The following ATP9A variants were observed in gnomAD, a reference collection of about 807,000 sequenced individuals.
ATP9A encodes the protein ATPase phospholipid transporting 9A, also known as probable phospholipid-transporting ATPase IIA.
In ATP9A, 52 loss-of-function variants were observed where a neutral mutation model predicts 144.1. The observed-to-expected ratio is 0.36, with a 90% confidence interval of 0.29 to 0.45. The LOEUF (loss-of-function observed/expected upper bound fraction) is 0.45. ATP9A is among the 20% of genes least tolerant of loss of function. ATP9A has a pLI of 1.00. For missense variants in ATP9A, 947 were observed against 1,392.7 expected, an observed-to-expected ratio of 0.68 and a Z score of 5.09; for synonymous variants, 582 against 557.4, an observed-to-expected ratio of 1.04 and a Z score of -0.62.
At chr20:51,727,311 C>T (rs1202334049) in intron 2 of ATP9A, among the ~76,000 whole-genome samples, 3 of 151,154 alleles carry the variant, frequency 2.0e-5, no homozygotes, top group Non-Finnish European at 4.4e-5. Flanking sequence ...CATGTCCAGA[C>T]GTGGTGGTAC....
intron 7 of ATP9A, among the ~76,000 whole-genome samples, chr20:51,692,100 G>T (rs186181704): frequency 6.6e-6 from 1 of 152,152 alleles, no homozygotes; most frequent in East Asian, 1.9e-4. Flanking sequence ...GCCAAGGGGG[G>T]AATGTAGTTA....
intron 18 of ATP9A, among the ~76,000 whole-genome samples, chr20:51,624,841 A>G (rs764934908): frequency 6.6e-5 from 10 of 152,020 alleles, no homozygotes; most frequent in Non-Finnish European, 1.2e-4. Flanking sequence ...CCCTCTATCT[A>G]CAAAAATATA....
chr20:51,620,777 C>G (rs1247804885), intron 19 of ATP9A, among the ~76,000 whole-genome samples: 1 of 152,068 alleles, frequency 6.6e-6, no homozygotes, highest in Non-Finnish European at 1.5e-5. Context: ...GTTCGTCACA[C>G]GGGGCTGAAA....
chr20:51,625,190 A>T lies in ATP9A; in HGVS notation c.2016+2T>A. 2 of 1,610,138 alleles carry T rather than the reference A, an allele frequency of 1.2e-6. No homozygotes were observed. The highest frequency in any genetic ancestry group is 1.7e-6 in the Non-Finnish European group (2 of 1,179,198). On this transcript the variant is annotated splice_donor_variant, in intron 18 of 27. Coordinates refer to ENST00000338821, the MANE Select transcript of ATP9A (RefSeq NM_006045.3). LOFTEE classifies it high-confidence loss of function. ...CCCTTCCCTGCGGGCAGCCCGCCCT[A>T]CCTTGATGCCAGCATTCCTCAGGGT...
In ATP9A at chr20:51,708,466, G is replaced by A. The variant is rs150302849; in HGVS notation, c.436+4500C>T. 6.3e-3 allele frequency among the ~76,000 whole-genome samples: 958 copies of A among 152,306 alleles called. 11 individuals carry two copies. Among genetic ancestry groups the A allele is most frequent in the Admixed American group, 0.029 (446 of 15,294 alleles). ...TTTAAAATTACTGGCCAGGCATGGT[G>A]GCTCACACCTGTAATCCCAGACCTT... On this transcript the variant is annotated intron_variant, in intron 4 of 27. Transcript: ENST00000338821.
rs542252310 is a variant in ATP9A, at chr20:51,675,605, C to T, written c.876+527G>A. Among the ~76,000 whole-genome samples the T allele has an allele frequency of 4.6e-5, 7 of 152,294 alleles. No individual in the cohort carries two copies. The East Asian group carries it at 5.8e-4, about 13-fold the overall frequency. On this transcript the variant is annotated intron_variant, in intron 10 of 27. Transcript: ENST00000338821. ...ACCTAAAAGCACAAAAAATGCTGGG[C>T]GCCATGGCTCACGCCTGTAATCCCA...
rs11908684 is a variant in ATP9A at position 51,618,157 on chromosome 20, T to C, written c.2350+505A>G. ...ATCACTTGAACCCGGGAGACGGAGG[T>C]TGCAATGAGCTGAGATTGTGTCATT... On this transcript the variant is annotated intron_variant, in intron 21 of 27. Coordinates refer to ENST00000338821, the MANE Select transcript of ATP9A (RefSeq NM_006045.3). Among the ~76,000 whole-genome samples, 979 of 151,154 alleles carry C rather than the reference T, an allele frequency of 6.5e-3. 16 individuals carry two copies. The highest frequency in any genetic ancestry group is 0.023 in the African/African-American group (934 of 41,068).
intron 4 of ATP9A, among the ~76,000 whole-genome samples, chr20:51,706,631 TC>T (rs1173258476): frequency 6.6e-5 from 10 of 152,304 alleles, no homozygotes; most frequent in African/African-American, 2.4e-4. Flanking sequence ...GCAACTATGG[TC>T]CCAGTTACTT....
intron 9 of ATP9A, among the ~76,000 whole-genome samples, chr20:51,684,842 C>A (rs1306640472): frequency 6.6e-6 from 1 of 150,970 alleles, no homozygotes; most frequent in Non-Finnish European, 1.5e-5. Context: ...AACCCCGTCT[C>A]TACTAAAAAC....
chr20:51,711,867 T>TAG (rs2077640244), intron 4 of ATP9A, among the ~76,000 whole-genome samples: 1 of 149,606 alleles, frequency 6.7e-6, no homozygotes, highest in Non-Finnish European at 1.5e-5. Context: ...TTTTTTTTTT[T>TAG]TTTTTTTGAG....
chr20:51,743,396 ATTTTTTTTTTTT>A lies in ATP9A; in HGVS notation c.69-13430_69-13419del, dbSNP rs769952209. Reference sequence around the variant, plus strand: ...GAGATGGGCTGCAAGACCGAAACTGATTTTTTTTTTTTTTTTTTTTTGAGACGGAGTCTCACT... The same window carrying A: ...GAGATGGGCTGCAAGACCGAAACTGATTTTTTTTTGAGACGGAGTCTCACT... On this transcript the variant is annotated intron_variant, in intron 1 of 27. Coordinates refer to ENST00000338821, the MANE Select transcript of ATP9A (RefSeq NM_006045.3). Among the ~76,000 whole-genome samples the A allele has an allele frequency of 4.5e-5, 4 of 89,856 alleles. No homozygotes were observed. In the Admixed American group the frequency reaches 4.5e-4, roughly 10 times the overall value. 58.9% of individuals were successfully genotyped at this position (89,856 alleles called of 152,430 possible). A position where few individuals can be genotyped will look rare whatever the true frequency, so the allele number is the denominator to read the frequency against.
chr20:51,753,921 C>T (rs2077844517), intron 1 of ATP9A, among the ~76,000 whole-genome samples: 1 of 151,802 alleles, frequency 6.6e-6, no homozygotes, highest in African/African-American at 2.4e-5. Flanking sequence ...GATCCACCCA[C>T]CTCAGCCTCC....
At chr20:51,763,570 C>T (rs1202553697) in intron 1 of ATP9A, among the ~76,000 whole-genome samples, 1 of 152,108 alleles carries the variant, frequency 6.6e-6, no homozygotes, top group Non-Finnish European at 1.5e-5. Context: ...ACCTTGGCCT[C>T]CCAAAGTGCT....
At chr20:51,633,274 C>G (rs548047912) in intron 15 of ATP9A, among the ~76,000 whole-genome samples, 1 of 142,060 alleles carries the variant, frequency 7.0e-6, no homozygotes, top group Non-Finnish European at 1.6e-5. Flanking sequence ...TTTAATAATA[C>G]GAAAAAATTC....
At chr20:51,609,660 C>T (rs1328404876) in intron 24 of ATP9A, among the ~76,000 whole-genome samples, 8 of 152,200 alleles carry the variant, frequency 5.3e-5, no homozygotes, top group Admixed American at 4.6e-4. Flanking sequence ...ATCCCCGAGG[C>T]AGTGGACTCT....
chr20:51,605,446 C>T (rs538329948), intron 26 of ATP9A, among the ~76,000 whole-genome samples: 149 of 152,078 alleles, frequency 9.8e-4, no homozygotes, highest in African/African-American at 3.2e-3. Context: ...GGTGAAAGCC[C>T]GTCTCTACAA....
chr20:51,633,896 G>A (rs753412326), intron 15 of ATP9A, among the ~76,000 whole-genome samples: 4 of 148,894 alleles, frequency 2.7e-5, no homozygotes, highest in Non-Finnish European at 6.0e-5. Context: ...GGAAAAGAGG[G>A]AGGGAGGGAG....
rs1601059826 is a variant in ATP9A at position 51,618,656 on chromosome 20, G to A, written c.2350+6C>T. 6 of 1,609,120 alleles carry A rather than the reference G, an allele frequency of 3.7e-6. No homozygotes were observed. Among genetic ancestry groups the A allele is most frequent in the Non-Finnish European group, 4.2e-6 (5 of 1,179,520 alleles). ...GGGCCAGCAGCACAGCCTGAGCCTCGCCTACCTACTGCACAGGTGAGCTTG... is the reference window on the plus strand; with the variant it reads ...GGGCCAGCAGCACAGCCTGAGCCTCACCTACCTACTGCACAGGTGAGCTTG... On this transcript the variant is annotated splice_donor_region_variant and intron_variant, in intron 21 of 27. Coordinates refer to ENST00000338821, the MANE Select transcript of ATP9A (RefSeq NM_006045.3).
At chr20:51,625,540 A>G (rs1248153795) in intron 17 of ATP9A, among the ~76,000 whole-genome samples, 178 bp from the exon 18 acceptor site, 1 of 152,126 alleles carries the variant, frequency 6.6e-6, no homozygotes, top group Non-Finnish European at 1.5e-5. Context: ...CAAGTCCTCC[A>G]TGTAGACACT....
Sources: gnomAD v4.1 joint callset for allele counts (sites outside exome capture counted in the v4.1 genomes callset) on GRCh38, gnomAD v4.1.1 for gene constraint, MANE v1.5 for transcripts, NCBI Gene and HGNC (gene_info 2026-07-23, HGNC 2026-07-21) for gene names.